PCDH15: variants seen among roughly 807,000 people sequenced by gnomAD.
The protein encoded by PCDH15 is protocadherin-15.
In PCDH15, 129 loss-of-function variants were observed where a neutral mutation model predicts 178.5. That is an observed-to-expected ratio of 0.72 (90% confidence interval 0.63 to 0.84). PCDH15 has a LOEUF of 0.84. PCDH15 is among the 40% of genes least tolerant of loss of function. The pLI is 0.00. For missense variants in PCDH15, 2,230 were observed against 2,099.9 expected (o/e 1.06, Z -1.21); for synonymous variants, 800 against 732.0 (o/e 1.09, Z -1.50).
chr10:54,445,960 A>G (rs1165717427), intron 3 of PCDH15, among the ~76,000 whole-genome samples: 2 of 151,504 alleles, frequency 1.3e-5, no homozygotes, highest in Non-Finnish European at 3.0e-5. Flanking sequence ...ATTTTACTAC[A>G]TCTTTCTTCA....
At chr10:54,250,458 T>C (rs2056386130) in intron 8 of PCDH15, among the ~76,000 whole-genome samples, 1 of 151,568 alleles carries the variant, frequency 6.6e-6, no homozygotes, top group African/African-American at 2.4e-5. Flanking sequence ...AATTTTTTCG[T>C]ATTTTTAGTA....
intron 15 of PCDH15, among the ~76,000 whole-genome samples, chr10:54,124,894 C>T (rs1388812431): frequency 6.6e-6 from 1 of 152,214 alleles, no homozygotes; most frequent in Non-Finnish European, 1.5e-5. Context: ...TTCAGAGGGT[C>T]ATGCTGTAAG....
intron 1 of PCDH15, among the ~76,000 whole-genome samples, chr10:55,237,120 C>A (rs911127455): frequency 6.6e-6 from 1 of 152,028 alleles, no homozygotes; most frequent in Admixed American, 6.6e-5. Context: ...CTCAGTAATT[C>A]ATTTCTTTTT....
intron 26 of PCDH15, among the ~76,000 whole-genome samples, chr10:53,879,980 G>T (rs1431021604): frequency 6.6e-6 from 1 of 152,142 alleles, no homozygotes; most frequent in Non-Finnish European, 1.5e-5. Flanking sequence ...CTTAAAATTT[G>T]CTTCATGATA....
intron 2 of PCDH15, among the ~76,000 whole-genome samples, chr10:55,058,851 T>C (rs1841366483): frequency 6.6e-6 from 1 of 152,166 alleles, no homozygotes. Context: ...CACAAAACCC[T>C]GTCTTTCACT....
chr10:55,403,476 T>C (rs113582325), intron 2 of PCDH15, among the ~76,000 whole-genome samples: 1 of 151,866 alleles, frequency 6.6e-6, no homozygotes. Context: ...CATCCCCTCA[T>C]GATTTTTTCT....
At chr10:55,611,441 A>T (rs1428105840) in intron 2 of PCDH15, among the ~76,000 whole-genome samples, 2 of 152,074 alleles carry the variant, frequency 1.3e-5, no homozygotes, top group Non-Finnish European at 2.9e-5. Context: ...TAGGAAATGC[A>T]AATTAAAATG....
chr10:55,055,138 T>A (rs1192665192), intron 2 of PCDH15, among the ~76,000 whole-genome samples: 3 of 152,186 alleles, frequency 2.0e-5, no homozygotes, highest in South Asian at 2.1e-4. Context: ...CGCAGTTTTA[T>A]AGGTTTGGGT....
intron 1 of PCDH15, among the ~76,000 whole-genome samples, chr10:55,277,509 C>T (rs1396773349): frequency 6.6e-6 from 1 of 151,994 alleles, no homozygotes. Flanking sequence ...TGAAATATAT[C>T]GCAGAGTAGA....
chr10:54,227,221 G>A (rs988992000), intron 9 of PCDH15, among the ~76,000 whole-genome samples: 1 of 152,054 alleles, frequency 6.6e-6, no homozygotes, highest in Non-Finnish European at 1.5e-5. Context: ...CCCTGCCCCT[G>A]AAGCAAACTT....
chr10:53,820,308 A>AAAG, intron 32 of PCDH15, 78 bp from the exon 33 acceptor site: 1 of 395,894 alleles, frequency 2.5e-6, no homozygotes, highest in Admixed American at 4.4e-5. Context: ...ATTTCGATGA[A>AAAG]AAGATTTTGA....
intron 6 of PCDH15, among the ~76,000 whole-genome samples, chr10:54,340,452 A>G (rs958128816): frequency 2.0e-5 from 3 of 152,162 alleles, no homozygotes; most frequent in African/African-American, 7.2e-5. Context: ...AGAACCAAAC[A>G]TTTTTGGTAA....
At chr10:55,600,904 T>A (rs1385363436) in intron 2 of PCDH15, among the ~76,000 whole-genome samples, 1 of 152,172 alleles carries the variant, frequency 6.6e-6, no homozygotes, top group African/African-American at 2.4e-5. Context: ...TATTTATTTT[T>A]GGCTCCATCC....
At position 54,870,229 on chromosome 10, in the gene PCDH15, A is replaced by G. The variant is rs1954012563; in HGVS notation, c.-29+27221T>C. 2.6e-5 allele frequency among the ~76,000 whole-genome samples: 4 copies of G among 152,170 alleles called. No individual in the cohort carries two copies. In the South Asian group the frequency reaches 8.3e-4, roughly 31 times the overall value. On this transcript the variant is annotated intron_variant, in intron 3 of 5. Coordinates refer to the PCDH15 transcript ENST00000458638. ...TAGTTGTTAACATGCCTAGTAATCA[A>G]TTGGAAATTTTGTATTAAAGGAAGA...
chr10:55,400,053 A>G (rs1037473898), intron 2 of PCDH15, among the ~76,000 whole-genome samples: 1 of 152,072 alleles, frequency 6.6e-6, no homozygotes, highest in Non-Finnish European at 1.5e-5. Context: ...TTAACAATCT[A>G]TGTGTTCAAT....
At chr10:53,926,962 T>C (rs1252177703) in intron 25 of PCDH15, among the ~76,000 whole-genome samples, 2 of 152,220 alleles carry the variant, frequency 1.3e-5, no homozygotes, top group Non-Finnish European at 2.9e-5. Flanking sequence ...ATGTGATATA[T>C]ATTTGTTAAT....
intron 2 of PCDH15, among the ~76,000 whole-genome samples, chr10:55,622,146 TATCTATAA>T (rs1231874257): frequency 3.7e-5 from 5 of 136,140 alleles, no homozygotes; most frequent in Admixed American, 8.2e-5. Flanking sequence ...ATATTATATA[TATCTATAA>T]ATATATATAT....
intron 2 of PCDH15, among the ~76,000 whole-genome samples, chr10:55,357,337 T>C (rs1021832056): frequency 6.6e-6 from 1 of 151,906 alleles, no homozygotes; most frequent in Non-Finnish European, 1.5e-5. Context: ...GGCCAAACTT[T>C]TTAACAGAAT....
intron 25 of PCDH15, among the ~76,000 whole-genome samples, chr10:53,913,642 G>A (rs190166993): frequency 0.012 from 1,748 of 151,878 alleles, 27 homozygotes; most frequent in African/African-American, 0.037. Context: ...TACTCGGGAG[G>A]CTGAGGCAGG....
Sources: gnomAD v4.1 joint callset for allele counts (sites outside exome capture counted in the v4.1 genomes callset) on GRCh38, gnomAD v4.1.1 for gene constraint, MANE v1.5 for transcripts, NCBI Gene and HGNC (gene_info 2026-07-23, HGNC 2026-07-21) for gene names.